COL14A1: variants seen among roughly 807,000 people sequenced by gnomAD.
COL14A1 encodes collagen type XIV alpha 1 chain.
Under a neutral mutation model 230.3 loss-of-function variants are expected in COL14A1, and 136 were observed. The ratio of observed to expected loss-of-function variants is 0.59; its 90% confidence interval spans 0.51 to 0.68. COL14A1 has a LOEUF of 0.68. COL14A1 is among the 30% of genes least tolerant of loss of function. COL14A1 has a pLI of 0.00. For missense variants in COL14A1, 1,976 were observed against 2,215.8 expected, an observed-to-expected ratio of 0.89 and a Z score of 2.17; for synonymous variants, 792 against 784.1, an observed-to-expected ratio of 1.01 and a Z score of -0.17.
At chr8:120,350,304 A>G (rs1296285675) in intron 45 of COL14A1, among the ~76,000 whole-genome samples, 140 of 150,300 alleles carry the variant, frequency 9.3e-4, no homozygotes, top group African/African-American at 3.2e-3. Flanking sequence ...AAAGACCATC[A>G]AGACTAGGAA....
In COL14A1 at chr8:120,208,360, A is replaced by G. The variant is rs747577110; in HGVS notation, c.1320A>G (p.Thr440=). 1.2e-6 allele frequency: 2 copies of G among 1,612,136 alleles called. No individual in the cohort carries two copies. The highest frequency in any genetic ancestry group is 2.2e-5 in the East Asian group (1 of 44,864). The change falls in exon 11 of 48, where the codon ACA becomes ACG. Residue 440 remains threonine (T), a splice_region_variant and synonymous_variant. Transcript: ENST00000297848. ...AAGGCCTACGGGGAACTGAAACTAC[A>G]CGTATGTATTTAATTCTACCCCACT... ...ASEGLRGTET[T]LALPMASDLL...
intron 37 of COL14A1, among the ~76,000 whole-genome samples, chr8:120,313,670 C>T (rs1460348313): frequency 2.0e-5 from 3 of 152,014 alleles, no homozygotes; most frequent in Admixed American, 2.0e-4. Flanking sequence ...ATTGGCATAG[C>T]ACTCTTATTT....
intron 32 of COL14A1, 130 bp from the exon 33 acceptor site, chr8:120,285,731 T>A: frequency 1.5e-6 from 1 of 653,870 alleles, no homozygotes; most frequent in Non-Finnish European, 2.6e-6. Context: ...GAACACTTCC[T>A]TACTCATCAC....
intron 40 of COL14A1, among the ~76,000 whole-genome samples, chr8:120,326,183 G>T (rs532047448): frequency 3.3e-5 from 5 of 152,172 alleles, no homozygotes; most frequent in African/African-American, 1.2e-4. Context: ...TGTGAATAGG[G>T]AGACTCATGC....
chr8:120,344,302 C>G (rs1822420528), intron 44 of COL14A1, among the ~76,000 whole-genome samples: 1 of 152,244 alleles, frequency 6.6e-6, no homozygotes, highest in East Asian at 1.9e-4. Flanking sequence ...AGCTGCCACT[C>G]AGAACTGGAT....
chr8:120,241,388 T>A (rs1395317650), intron 19 of COL14A1, among the ~76,000 whole-genome samples: 1 of 152,202 alleles, frequency 6.6e-6, no homozygotes, highest in Non-Finnish European at 1.5e-5. Context: ...ATGCAGGGCA[T>A]CCTCTTTCTA....
At position 120,176,011 on chromosome 8, in the gene COL14A1, G is replaced by T. The variant is rs138171534; in HGVS notation, c.436+7764G>T. The stretch of plus-strand genomic sequence containing the variant: ...CTCAGGAGTTAGTTGTGAAGATTGA[G>T]TTAAAATGTGTAAAATACCTAGTAT... On this transcript the variant is annotated intron_variant, in intron 5 of 47. Transcript: ENST00000297848. 4.2e-3 allele frequency among the ~76,000 whole-genome samples: 639 copies of T among 152,238 alleles called. 3 individuals are homozygous for T. Among genetic ancestry groups the T allele is most frequent in the African/African-American group, 0.015 (616 of 41,542 alleles).
At chr8:120,347,710 A>G (rs980825) in intron 45 of COL14A1, among the ~76,000 whole-genome samples, 68,443 of 152,064 alleles carry the variant, frequency 0.45, 15,639 homozygotes, top group African/African-American at 0.54. Context: ...AAGATATTGA[A>G]GTAAGGCCAA....
At chr8:120,309,744 A>C (rs2130081165) in intron 36 of COL14A1, among the ~76,000 whole-genome samples, 1 of 152,290 alleles carries the variant, frequency 6.6e-6, no homozygotes, top group South Asian at 2.1e-4. Flanking sequence ...GTCTTCTATA[A>C]CCACTAAGTA....
rs1236146649 is a variant in COL14A1 at position 120,280,013 on chromosome 8, G to A, written c.3560G>A (p.Arg1187His). The A allele has an allele frequency of 3.1e-6, 5 of 1,613,862 alleles. No homozygotes were observed. The highest frequency in any genetic ancestry group is 2.2e-5 in the East Asian group (1 of 44,876). ...AGCATTGGCAGTAAGCCCAGCGCAC[G>A]CCATGTCTTCTTTGTGGATGACTTT... ...LVSIGSKPSA[R>H]HVFFVDDFDA... Residue 1187 changes from arginine to histidine, a missense_variant, in exon 29 of 48, where the codon CGC (arginine) becomes CAC (histidine). By Grantham distance (29) the Arg-to-His change is conservative. Around this residue, in one of 3 missense-constraint regions of COL14A1, gnomAD observed 1,791 missense variants for 2,019.5 expected, o/e 0.89. Coordinates refer to ENST00000297848, the MANE Select transcript of COL14A1 (RefSeq NM_021110.4).
At chr8:120,161,210 T>C (rs1027365654) in intron 3 of COL14A1, among the ~76,000 whole-genome samples, 1 of 152,216 alleles carries the variant, frequency 6.6e-6, no homozygotes, top group Admixed American at 6.5e-5. Flanking sequence ...TTAAAAATAT[T>C]AATTTTATTG....
At chr8:120,324,886 T>G (rs1821605519) in intron 40 of COL14A1, among the ~76,000 whole-genome samples, 1 of 152,106 alleles carries the variant, frequency 6.6e-6, no homozygotes, top group East Asian at 1.9e-4. Context: ...TGTGGGCAGG[T>G]CAGTTTTTTT....
intron 14 of COL14A1, among the ~76,000 whole-genome samples, chr8:120,220,461 A>T (rs1346102707): frequency 2.0e-5 from 3 of 151,988 alleles, no homozygotes; most frequent in African/African-American, 7.3e-5. Context: ...TTTAGTAGAG[A>T]TAGGGTTTCA....
At chr8:120,143,475 CA>C (rs1372201290) in intron 1 of COL14A1, among the ~76,000 whole-genome samples, 1 of 151,726 alleles carries the variant, frequency 6.6e-6, no homozygotes, top group Admixed American at 6.6e-5. Flanking sequence ...TAATACAAAA[CA>C]AAAAAATTGG....
intron 34 of COL14A1, 27 bp downstream of exon 34, chr8:120,289,793 G>T (rs1252802002): frequency 1.3e-6 from 2 of 1,595,580 alleles, no homozygotes; most frequent in Admixed American, 3.5e-5. Context: ...GTGAAGCTGT[G>T]TTATTGTTAA....
At chr8:120,309,685 A>T (rs952932414) in intron 36 of COL14A1, among the ~76,000 whole-genome samples, 1 of 152,192 alleles carries the variant, frequency 6.6e-6, no homozygotes, top group African/African-American at 2.4e-5. Context: ...GTTTTATAAC[A>T]TATATAATTT....
chr8:120,367,071 G>T (rs1563760205), intron 45 of COL14A1, 100 bp from the exon 46 acceptor site: 3 of 870,614 alleles, frequency 3.4e-6, no homozygotes, highest in African/African-American at 3.4e-5. Flanking sequence ...CCACTTAATT[G>T]TCTTCATCAG....
intron 22 of COL14A1, among the ~76,000 whole-genome samples, 182 bp downstream of exon 22, chr8:120,250,948 C>T (rs1818928294): frequency 6.6e-6 from 1 of 152,188 alleles, no homozygotes; most frequent in African/African-American, 2.4e-5. Context: ...GCTGGGATTA[C>T]AGGCACAAGA....
intron 40 of COL14A1, among the ~76,000 whole-genome samples, chr8:120,320,741 T>C (rs1052193094): frequency 6.6e-6 from 1 of 152,236 alleles, no homozygotes; most frequent in Non-Finnish European, 1.5e-5. Context: ...GGATGGGTTT[T>C]ATAATATCCC....
Sources: allele counts gnomAD v4.1 joint callset (sites outside exome capture counted in the v4.1 genomes callset), GRCh38; gene constraint gnomAD v4.1.1; regional missense constraint gnomAD v4.1.1; transcripts MANE v1.5; gene names NCBI Gene and HGNC (gene_info 2026-07-23, HGNC 2026-07-21).